TCF4: variants seen among roughly 807,000 people sequenced by gnomAD.
TCF4 encodes SL3-3 enhancer factor 2.
In TCF4, 3 loss-of-function variants were observed where a neutral mutation model predicts 82.1. The ratio of observed to expected loss-of-function variants is 0.04; its 90% CI spans 0.02 to 0.09. The LOEUF is 0.09. TCF4 is among the 10% of genes least tolerant of loss of function. The pLI, the probability that TCF4 is intolerant of heterozygous loss-of-function variation, is 1.00. For synonymous variants in TCF4, 276 were observed against 309.6 expected (o/e 0.89, Z 1.14); for missense variants, 518 against 852.7 (o/e 0.61, Z 4.89).
At chr18:55,611,088 G>A (rs975705596) in intron 2 of TCF4, among the ~76,000 whole-genome samples, 1 of 152,132 alleles carries the variant, frequency 6.6e-6, no homozygotes, top group Non-Finnish European at 1.5e-5. Flanking sequence ...GCAAGGCTTT[G>A]GGGAGATTGA....
intron 5 of TCF4, among the ~76,000 whole-genome samples, chr18:55,442,374 C>T (rs2095453481): frequency 6.6e-6 from 1 of 152,112 alleles, no homozygotes; most frequent in South Asian, 2.1e-4. Flanking sequence ...TAAGCTTTTG[C>T]TACAAATGAT....
intron 5 of TCF4, among the ~76,000 whole-genome samples, chr18:55,416,814 C>T (rs1334743796): frequency 2.0e-5 from 3 of 152,190 alleles, no homozygotes; most frequent in Non-Finnish European, 1.5e-5. Context: ...CCTGCTAAGG[C>T]CAGTGACGGG....
chr18:55,310,363 C>G (rs1419601174), intron 8 of TCF4, among the ~76,000 whole-genome samples: 1 of 152,182 alleles, frequency 6.6e-6, no homozygotes, highest in South Asian at 2.1e-4. Flanking sequence ...CTCATTAAAC[C>G]TTGGAGAACT....
rs1363020706 is a variant in TCF4 at position 55,403,489 on chromosome 18, A to G, written c.334T>C (p.Tyr112His). 6.2e-7 allele frequency: 1 copy of G among 1,613,730 alleles called. No homozygotes were observed. Among genetic ancestry groups the G allele is most frequent in the Non-Finnish European group, 8.5e-7 (1 of 1,179,806 alleles). ...CCCTGTAAGTTTGATTCTCTCCCAT[A>G]AGATGAGTATGAGCCCCTTTCTGTT... Reference protein sequence around the residue: ...SKTERGSYSSYGRESNLQGCH... With the variant: ...SKTERGSYSSHGRESNLQGCH... The change falls in exon 6 of 20, where the codon TAT (tyrosine) becomes CAT (histidine). Residue 112 changes from tyrosine to histidine, a missense_variant. Physicochemically the swap from Tyr to His is moderately conservative, Grantham distance 83. Coordinates refer to ENST00000354452, the MANE Select transcript of TCF4 (RefSeq NM_001083962.2).
intron 1 of TCF4, 21 bp from the exon 2 acceptor site, chr18:55,587,157 G>C: frequency 7.2e-7 from 1 of 1,395,216 alleles, no homozygotes; most frequent in Non-Finnish European, 9.5e-7. Context: ...GGAAATAACC[G>C]CAATCAGAAA....
At chr18:55,563,497 T>C (rs185892811) in intron 3 of TCF4, among the ~76,000 whole-genome samples, 67 of 152,338 alleles carry the variant, frequency 4.4e-4, no homozygotes, top group African/African-American at 1.6e-3. Flanking sequence ...ATATTATGAG[T>C]AATACACATG....
At chr18:55,422,099 A>C (rs2919447) in intron 5 of TCF4, 1 of 608,998 alleles carries the variant, frequency 1.6e-6, no homozygotes, top group Non-Finnish European at 2.0e-6. Flanking sequence ...AAGAAAAAGC[A>C]CAAAAAAAAA....
intron 6 of TCF4, among the ~76,000 whole-genome samples, chr18:55,356,150 C>T (rs2083461173): frequency 6.6e-6 from 1 of 152,058 alleles, no homozygotes; most frequent in Non-Finnish European, 1.5e-5. Flanking sequence ...TTTCTTATGT[C>T]CCACACAAAA....
At chr18:55,353,949 G>A (rs2082869076) in intron 6 of TCF4, among the ~76,000 whole-genome samples, 1 of 152,244 alleles carries the variant, frequency 6.6e-6, no homozygotes, top group East Asian at 1.9e-4. Context: ...ATGGTTTTAG[G>A]TTTTTCACAT....
At chr18:55,228,733 G>T in intron 18 of TCF4, 114 bp downstream of exon 18, 1 of 1,097,768 alleles carries the variant, frequency 9.1e-7, no homozygotes, top group Non-Finnish European at 1.3e-6. Flanking sequence ...CAATTCTTTG[G>T]AATGATGCTT....
chr18:55,540,046 C>CA (rs5825143), intron 3 of TCF4, among the ~76,000 whole-genome samples: 20,662 of 142,808 alleles, frequency 0.14, 1,852 homozygotes, highest in Admixed American at 0.28. Flanking sequence ...AACAGAGATG[C>CA]AAAAAAAAAA....
At chr18:55,418,889 A>G (rs2146892040) in intron 5 of TCF4, among the ~76,000 whole-genome samples, 1 of 152,280 alleles carries the variant, frequency 6.6e-6, no homozygotes, top group East Asian at 1.9e-4. Context: ...AAAAGGACAC[A>G]CCTGGCACAT....
At chr18:55,396,852 T>C (rs1277743656) in intron 6 of TCF4, among the ~76,000 whole-genome samples, 1 of 152,154 alleles carries the variant, frequency 6.6e-6, no homozygotes, top group Non-Finnish European at 1.5e-5. Flanking sequence ...GACACTTATA[T>C]AAAATATGAA....
chr18:55,621,377 T>C (rs967192871), intron 2 of TCF4, among the ~76,000 whole-genome samples: 4 of 131,046 alleles, frequency 3.1e-5, no homozygotes, highest in East Asian at 2.0e-4. Context: ...TTTAAACTTA[T>C]GGGGTACTGC....
chr18:55,461,471 T>C (rs2095866506), intron 4 of TCF4, among the ~76,000 whole-genome samples: 1 of 152,176 alleles, frequency 6.6e-6, no homozygotes, highest in Non-Finnish European at 1.5e-5. Flanking sequence ...AAGGCCACAT[T>C]AAAGCAAAAT....
intron 3 of TCF4, among the ~76,000 whole-genome samples, chr18:55,470,472 TTAGAG>T (rs1031431839): frequency 1.3e-5 from 2 of 152,206 alleles, no homozygotes; most frequent in African/African-American, 4.8e-5. Flanking sequence ...TAGTTTACCA[TTAGAG>T]TATTCTCTTT....
intron 2 of TCF4, among the ~76,000 whole-genome samples, chr18:55,599,669 C>T (rs2097694730): frequency 1.3e-5 from 2 of 152,068 alleles, no homozygotes; most frequent in South Asian, 2.1e-4. Context: ...TGCGGTGAGC[C>T]GAGATCGTGC....
At chr18:55,311,196 G>GA (rs911496734) in intron 8 of TCF4, among the ~76,000 whole-genome samples, 4 of 150,566 alleles carry the variant, frequency 2.7e-5, no homozygotes, top group East Asian at 1.9e-4. Flanking sequence ...GAAAGGGAAA[G>GA]AAAAAAAACA....
intron 8 of TCF4, among the ~76,000 whole-genome samples, chr18:55,280,079 A>C (rs1182023882): frequency 6.6e-6 from 1 of 152,166 alleles, no homozygotes; most frequent in Non-Finnish European, 1.5e-5. Flanking sequence ...CTTTCAATTA[A>C]AATTTTCACT....
Sources: gnomAD v4.1 joint callset for allele counts (sites outside exome capture counted in the v4.1 genomes callset) on GRCh38, gnomAD v4.1.1 for gene constraint, MANE v1.5 for transcripts, NCBI Gene and HGNC (gene_info 2026-07-23, HGNC 2026-07-21) for gene names.